The following AHCYL2 variants were observed in gnomAD, a reference collection of about 807,000 sequenced individuals.
AHCYL2 encodes S-adenosylhomocysteine hydrolase-like protein 2.
A neutral mutation model predicts 81.4 loss-of-function variants in AHCYL2; 28 were observed. The observed-to-expected ratio is 0.34, with a 90% CI of 0.25 to 0.47. The LOEUF (loss-of-function observed/expected upper bound fraction) is 0.47. Among genes scored for constraint, AHCYL2 ranks in the 20% least tolerant of loss-of-function variants. AHCYL2 has a pLI of 1.00. For missense variants in AHCYL2, 551 were observed against 785.1 expected (o/e 0.70, Z 3.56); for synonymous variants, 272 against 290.2 (o/e 0.94, Z 0.64).
At position 129,353,755 on chromosome 7, in the gene AHCYL2, G is replaced by GAAGC. The variant is rs1793648073; in HGVS notation, c.364-25882_364-25879dup. On this transcript the variant is annotated intron_variant, in intron 1 of 16. Coordinates refer to ENST00000325006, the MANE Select transcript of AHCYL2 (RefSeq NM_015328.4). ...AATTACCTGTATGTTAATAGTAAAT[G>GAAGC]AAGCCATGGATACAGGTAAGAGGAA... Among the ~76,000 whole-genome samples, 3 of 150,602 alleles carry GAAGC rather than the reference G, an allele frequency of 2.0e-5. No individual in the cohort carries two copies. The South Asian group carries it at 6.4e-4, about 32-fold the overall frequency.
At chr7:129,350,298 T>C (rs963405090) in intron 1 of AHCYL2, among the ~76,000 whole-genome samples, 19 of 152,220 alleles carry the variant, frequency 1.2e-4, no homozygotes, top group Non-Finnish European at 1.5e-5. Context: ...AAGCACCTAC[T>C]GTATAGCATT....
chr7:129,248,128 C>T (rs1007611719), intron 1 of AHCYL2, among the ~76,000 whole-genome samples: 1 of 152,152 alleles, frequency 6.6e-6, no homozygotes, highest in African/African-American at 2.4e-5. Flanking sequence ...TGCTGTGATA[C>T]CTTTGTTGCA....
chr7:129,396,145 C>T lies in AHCYL2; in HGVS notation c.721-1077C>T, dbSNP rs577467031. On this transcript the variant is annotated intron_variant, in intron 4 of 16. Coordinates refer to ENST00000325006, the MANE Select transcript of AHCYL2 (RefSeq NM_015328.4). The stretch of plus-strand genomic sequence containing the variant: ...TTGTTTGTTTTGTTCTGTTTTGAGA[C>T]GGAGTCTTGCTCTGTTGCCCAGGCT... Among the ~76,000 whole-genome samples the T allele has an allele frequency of 3.9e-5, 6 of 152,242 alleles. 1 individual carries two copies. Among genetic ancestry groups the T allele is most frequent in the Admixed American group, 3.9e-4 (6 of 15,292 alleles).
chr7:129,240,966 G>GT (rs1360417547), intron 1 of AHCYL2, among the ~76,000 whole-genome samples: 1 of 152,126 alleles, frequency 6.6e-6, no homozygotes, highest in Non-Finnish European at 1.5e-5. Context: ...AATGACTTAG[G>GT]AATTATTTAG....
intron 11 of AHCYL2, among the ~76,000 whole-genome samples, chr7:129,412,824 G>C (rs779687126): frequency 3.9e-5 from 6 of 152,000 alleles, no homozygotes; most frequent in African/African-American, 1.5e-4. Flanking sequence ...CTGAAGAAAT[G>C]TCGATTCAGA....
rs974250879 is a variant in AHCYL2, at chr7:129,389,702, G to A, written c.688G>A (p.Val230Met). The A allele has an allele frequency of 8.1e-6, 13 of 1,613,622 alleles. No individual in the cohort carries two copies. Among genetic ancestry groups the A allele is most frequent in the Middle Eastern group, 1.6e-4 (1 of 6,084 alleles). The change falls in exon 4 of 17, where the codon GTG (valine) becomes ATG (methionine). Residue 230 changes from valine (V) to methionine (M), a missense_variant. Physicochemically the swap from Val to Met is conservative, Grantham distance 21 (BLOSUM62 1). This residue lies in a region of AHCYL2 where 316 missense variants were observed against 543.1 expected (regional missense o/e 0.58). Coordinates refer to ENST00000325006, the MANE Select transcript of AHCYL2 (RefSeq NM_015328.4). ...GEKPLAGAKI[V>M]GCTHITAQTA... is the part of the protein sequence containing the mutation. The stretch of plus-strand genomic sequence containing the variant: ...AAAGCCTTTGGCTGGAGCCAAAATC[G>A]TGGGTTGCACACACATCACTGCTCA...
chr7:129,226,897 C>G (rs139616491), intron 1 of AHCYL2, among the ~76,000 whole-genome samples: 304 of 135,844 alleles, frequency 2.2e-3, no homozygotes, highest in African/African-American at 7.6e-3. Flanking sequence ...CCAAAGCATA[C>G]TTCTGACTTG....
rs763020616 is a variant in AHCYL2, at chr7:129,225,452, G to C, written c.363+13G>C. The C allele has an allele frequency of 9.3e-5, 139 of 1,501,200 alleles. No individual in the cohort carries two copies. Among genetic ancestry groups the C allele is most frequent in the Non-Finnish European group, 3.5e-6 (4 of 1,131,274 alleles). The allele number at this position is 1,501,200 out of a possible 1,614,324, so 93.0% of individuals were successfully genotyped here. ...CACAGTCAAGAAGGTACTGGGGCCG[G>C]GCTGCCTCTCTAGGAGAGGAAGGGA... On this transcript the variant is annotated intron_variant, in intron 1 of 16. Transcript: ENST00000325006.
chr7:129,285,277 G>C (rs1796588664), intron 1 of AHCYL2, among the ~76,000 whole-genome samples: 1 of 152,272 alleles, frequency 6.6e-6, no homozygotes, highest in Admixed American at 6.5e-5. Flanking sequence ...GAGGCCTCCT[G>C]GAGTCATTCT....
At chr7:129,270,946 T>C (rs1249175304) in intron 1 of AHCYL2, among the ~76,000 whole-genome samples, 2 of 152,168 alleles carry the variant, frequency 1.3e-5, no homozygotes, top group South Asian at 2.1e-4. Context: ...GAAATTAACA[T>C]ATAAAGTAGT....
intron 12 of AHCYL2, among the ~76,000 whole-genome samples, chr7:129,415,256 GGGGAAAGGCCTAAA>G (rs1796788777): frequency 6.6e-6 from 1 of 152,180 alleles, no homozygotes; most frequent in Non-Finnish European, 1.5e-5. Context: ...AGCCCCCAAA[GGGGAAAGGCCTAAA>G]GGGAAGTATT....
chr7:129,251,824 A>G (rs1795259922), intron 1 of AHCYL2, among the ~76,000 whole-genome samples: 1 of 152,216 alleles, frequency 6.6e-6, no homozygotes, highest in Admixed American at 6.5e-5. Context: ...ACGTCCATTA[A>G]TCTGCATGCT....
At chr7:129,403,034 T>C (rs1796108276) in intron 6 of AHCYL2, among the ~76,000 whole-genome samples, 1 of 152,164 alleles carries the variant, frequency 6.6e-6, no homozygotes, top group South Asian at 2.1e-4. Context: ...TGAATACCTA[T>C]AGTAGATTCA....
chr7:129,311,760 A>T (rs1797666532), intron 1 of AHCYL2, among the ~76,000 whole-genome samples: 4 of 152,064 alleles, frequency 2.6e-5, no homozygotes, highest in Admixed American at 2.6e-4. Context: ...AGCCTTCCAG[A>T]TGGTCTCTGC....
At chr7:129,338,713 C>T (rs1217931479) in intron 1 of AHCYL2, among the ~76,000 whole-genome samples, 3 of 152,110 alleles carry the variant, frequency 2.0e-5, no homozygotes, top group Non-Finnish European at 4.4e-5. Context: ...GCGTACTTGC[C>T]TGTTGGATTG....
intron 1 of AHCYL2, among the ~76,000 whole-genome samples, chr7:129,347,644 G>C (rs1307686276): frequency 2.6e-5 from 4 of 151,558 alleles, no homozygotes; most frequent in African/African-American, 9.7e-5. Context: ...TTGTTTTTTT[G>C]GTTTTTTTCT....
intron 1 of AHCYL2, among the ~76,000 whole-genome samples, chr7:129,360,119 ATT>A (rs71162596): frequency 5.6e-5 from 8 of 142,022 alleles, no homozygotes; most frequent in Admixed American, 1.4e-4. Context: ...TTTAATTTTA[ATT>A]TTTTTTTTTT....
At chr7:129,333,925 A>T (rs1798507883) in intron 1 of AHCYL2, among the ~76,000 whole-genome samples, 1 of 152,210 alleles carries the variant, frequency 6.6e-6, no homozygotes, top group Non-Finnish European at 1.5e-5. Flanking sequence ...TTATACACAT[A>T]TGAGTAATGC....
At chr7:129,360,611 A>G (rs1793899085) in intron 1 of AHCYL2, among the ~76,000 whole-genome samples, 3 of 152,318 alleles carry the variant, frequency 2.0e-5, no homozygotes, top group Admixed American at 1.3e-4. Flanking sequence ...CTGGGGGATT[A>G]CTCAGTAATT....
Sources: gnomAD v4.1 joint callset for allele counts (sites outside exome capture counted in the v4.1 genomes callset) on GRCh38, gnomAD v4.1.1 for gene constraint, gnomAD v4.1.1 regional missense constraint, MANE v1.5 for transcripts, NCBI Gene and HGNC (gene_info 2026-07-23, HGNC 2026-07-21) for gene names.